The following REXO5 variants were observed in gnomAD, a reference collection of about 807,000 sequenced individuals.
REXO5 encodes RNA exonuclease 5, also known as exonuclease NEF-sp.
Under a neutral mutation model 88.5 loss-of-function variants are expected in REXO5, and 48 were observed. The ratio of observed to expected loss-of-function variants is 0.54; its 90% CI spans 0.43 to 0.69. REXO5 has a LOEUF of 0.69. Ranked by LOEUF, REXO5 falls within the 30% of genes least tolerant of loss-of-function variation. The pLI, the probability that REXO5 is intolerant of heterozygous loss-of-function variation, is 0.00. For missense variants in REXO5, 749 were observed against 912.2 expected (o/e 0.82, Z 2.30); for synonymous variants, 311 against 336.5 (o/e 0.92, Z 0.83).
In REXO5 at chr16:20,827,394, C is replaced by G; in HGVS notation, c.1002C>G (p.Val334=). 6.2e-7 allele frequency: 1 copy of G among 1,613,570 alleles called. No individual in the cohort carries two copies. The stretch of plus-strand genomic sequence containing the variant: ...TTATTGATACATCGTTGCTTTATGT[C>G]AGAGAGCAGGGCAGAAGATTTAAGC... ...PYVIDTSLLY[V]REQGRRFKLK... The change falls in exon 10 of 20, where the codon GTC becomes GTG. Residue 334 remains valine, a synonymous_variant. Coordinates refer to ENST00000261377, the MANE Select transcript of REXO5 (RefSeq NM_030941.3).
chr16:20,825,298 C>T (rs540297954), intron 7 of REXO5, among the ~76,000 whole-genome samples: 70 of 152,290 alleles, frequency 4.6e-4, no homozygotes, highest in African/African-American at 1.6e-3. Flanking sequence ...AATAGAGTAA[C>T]TAAGACCTAA....
intron 11 of REXO5, 80 bp downstream of exon 11, chr16:20,828,617 A>G (rs2081292603): frequency 2.0e-6 from 2 of 989,850 alleles, no homozygotes; most frequent in Non-Finnish European, 1.6e-6. Flanking sequence ...ACCAACTCCT[A>G]TTATCTATTT....
At chr16:20,807,586 A>G (rs1015417694) in intron 2 of REXO5, among the ~76,000 whole-genome samples, 3 of 127,880 alleles carry the variant, frequency 2.3e-5, no homozygotes, top group East Asian at 2.2e-4. Context: ...CACGTCTCAG[A>G]AAAAAAAAAA....
intron 13 of REXO5, among the ~76,000 whole-genome samples, chr16:20,837,385 G>A (rs1241615883): frequency 6.6e-6 from 1 of 152,016 alleles, no homozygotes; most frequent in African/African-American, 2.4e-5. Context: ...ATTTCCAGAA[G>A]GTTTTCTTGG....
intron 2 of REXO5, among the ~76,000 whole-genome samples, chr16:20,812,775 C>T (rs1395838518): frequency 2.0e-5 from 3 of 152,174 alleles, no homozygotes; most frequent in Non-Finnish European, 2.9e-5. Context: ...GGCTCAGCCT[C>T]AGTATTTTCA....
At chr16:20,811,321 C>A (rs939760357) in intron 2 of REXO5, among the ~76,000 whole-genome samples, 1 of 152,106 alleles carries the variant, frequency 6.6e-6, no homozygotes, top group Admixed American at 6.6e-5. Flanking sequence ...TTCATTTGAA[C>A]CAGGAATTGA....
rs751042762 is a variant in REXO5, at chr16:20,808,612, A to ATT, written c.138+1543_138+1544dup. ...ATGTGAGAGAGGGATTAGGGATGTGATTTTTTTTTTTTTTTTTTTTTTTGA... is the reference window on the plus strand; with the variant it reads ...ATGTGAGAGAGGGATTAGGGATGTGATTTTTTTTTTTTTTTTTTTTTTTTTGA... On this transcript the variant is annotated intron_variant, in intron 2 of 19. Coordinates refer to ENST00000261377, the MANE Select transcript of REXO5 (RefSeq NM_030941.3). Among the ~76,000 whole-genome samples the ATT allele has an allele frequency of 1.2e-3, 130 of 108,376 alleles. 1 individual carries two copies. The highest frequency in any genetic ancestry group is 1.8e-3 in the African/African-American group (50 of 27,638). 71.1% of individuals were successfully genotyped at this position (108,376 alleles called of 152,430 possible). A position where few individuals can be genotyped will look rare whatever the true frequency, so the allele number is the denominator to read the frequency against.
intron 13 of REXO5, among the ~76,000 whole-genome samples, chr16:20,834,434 A>G (rs2081393751): frequency 6.6e-6 from 1 of 152,102 alleles, no homozygotes; most frequent in Admixed American, 6.5e-5. Context: ...GGCTCGGCCA[A>G]GTGTTCTTTT....
intron 12 of REXO5, among the ~76,000 whole-genome samples, chr16:20,832,507 AG>A (rs1226453890): frequency 6.6e-6 from 1 of 151,554 alleles, no homozygotes; most frequent in Non-Finnish European, 1.5e-5. Flanking sequence ...AAAAAAAAAA[AG>A]AAAAAATAAT....
Position 20,816,097 on chromosome 16 carries a change from C to A in REXO5, c.379-19C>A. 2 of 1,606,316 alleles carry A rather than the reference C, an allele frequency of 1.2e-6. No homozygotes were observed. Among genetic ancestry groups the A allele is most frequent in the East Asian group, 2.2e-5 (1 of 44,824 alleles). On this transcript the variant is annotated intron_variant, in intron 4 of 19. Coordinates refer to ENST00000261377, the MANE Select transcript of REXO5 (RefSeq NM_030941.3). ...GCTGTTTTCAACCATTTTTGTAAAA[C>A]CTGTTAATATATTTTCAGAAATTCC...
intron 10 of REXO5, among the ~76,000 whole-genome samples, chr16:20,827,925 C>G (rs2081283266): frequency 6.6e-6 from 1 of 152,134 alleles, no homozygotes; most frequent in South Asian, 2.1e-4. Context: ...CTCTCTAAGA[C>G]ACTCCTGAGA....
At chr16:20,814,337 A>G (rs146046980) in intron 3 of REXO5, among the ~76,000 whole-genome samples, 1,679 of 152,274 alleles carry the variant, frequency 0.011, 9 homozygotes, top group Middle Eastern at 0.044. Context: ...CCCAGGTTCA[A>G]GTGATCCTCT....
Position 20,833,138 on chromosome 16 carries a change from GAACCTTTGCAGGTTATATTC to G in REXO5, c.1383+18_1383+37del. On this transcript the variant is annotated intron_variant, in intron 13 of 19. Coordinates refer to ENST00000261377, the MANE Select transcript of REXO5 (RefSeq NM_030941.3). Reference sequence around the variant, plus strand: ...CAAATAAAGAGGTGAGTGGCCTGCTGAACCTTTGCAGGTTATATTCAAAGCAGAGGGGAATGTAGCCCTTT... The same window carrying G: ...CAAATAAAGAGGTGAGTGGCCTGCTGAAAGCAGAGGGGAATGTAGCCCTTT... 2 of 1,611,232 alleles carry G rather than the reference GAACCTTTGCAGGTTATATTC, an allele frequency of 1.2e-6. No individual in the cohort carries two copies. Among genetic ancestry groups the G allele is most frequent in the Non-Finnish European group, 1.7e-6 (2 of 1,178,086 alleles).
At chr16:20,834,821 G>A (rs1157169850) in intron 13 of REXO5, among the ~76,000 whole-genome samples, 1 of 152,070 alleles carries the variant, frequency 6.6e-6, no homozygotes, top group Non-Finnish European at 1.5e-5. Flanking sequence ...TATCTTCCAT[G>A]TGTCTAGTTA....
Position 20,846,475 on chromosome 16 carries a change from A to G in REXO5, c.2243+136A>G, listed in dbSNP as rs1567413709. The G allele has an allele frequency of 4.8e-6, 3 of 619,032 alleles. No homozygotes were observed. The South Asian group carries it at 5.9e-5, about 12-fold the overall frequency. 38.3% of individuals were successfully genotyped at this position (619,032 alleles called of 1,614,324 possible). A position where few individuals can be genotyped will look rare whatever the true frequency, so the allele number is the denominator to read the frequency against. ...TCATCTCTTTAATTTTCACCGTTCT[A>G]AAAGATAGGCATTGTATTCCCATTT... On this transcript the variant is annotated intron_variant, in intron 19 of 19. Transcript: ENST00000261377.
intron 10 of REXO5, 121 bp from the exon 11 acceptor site, chr16:20,828,314 G>A (rs1057064860): frequency 2.6e-5 from 17 of 645,210 alleles, no homozygotes; most frequent in Non-Finnish European, 4.3e-5. Context: ...CTTGATTTTT[G>A]TGATGCAAAT....
intron 11 of REXO5, among the ~76,000 whole-genome samples, chr16:20,830,490 C>G (rs1352939297): frequency 6.6e-6 from 1 of 152,060 alleles, no homozygotes; most frequent in African/African-American, 2.4e-5. Context: ...GTCACTGTGC[C>G]TGGCCCAAGA....
intron 13 of REXO5, among the ~76,000 whole-genome samples, chr16:20,834,389 A>G (rs1043476437): frequency 6.6e-6 from 1 of 152,168 alleles, no homozygotes; most frequent in Non-Finnish European, 1.5e-5. Flanking sequence ...TCGCACCACT[A>G]CACTCCAGCC....
intron 3 of REXO5, among the ~76,000 whole-genome samples, chr16:20,814,563 A>G (rs2081052578): frequency 6.6e-6 from 1 of 152,124 alleles, no homozygotes; most frequent in Non-Finnish European, 1.5e-5. Context: ...TCTTAAAGCC[A>G]GCCATTTGAT....
Sources: gnomAD v4.1 joint callset for allele counts (sites outside exome capture counted in the v4.1 genomes callset) on GRCh38, gnomAD v4.1.1 for gene constraint, MANE v1.5 for transcripts, NCBI Gene and HGNC (gene_info 2026-07-23, HGNC 2026-07-21) for gene names.